GATB: variants seen among roughly 807,000 people sequenced by gnomAD.
GATB encodes glutamyl-tRNA amidotransferase subunit B, also known as glutamyl-tRNA(Gln) amidotransferase subunit B, mitochondrial.
Under a neutral mutation model 62.3 loss-of-function variants are expected in GATB, and 39 were observed. The observed-to-expected ratio is 0.63, with a 90% confidence interval of 0.48 to 0.82. The LOEUF (loss-of-function observed/expected upper bound fraction) is 0.82, where lower values mean the gene tolerates loss of function less well. Ranked by LOEUF, GATB falls within the 40% of genes least tolerant of loss-of-function variation. GATB has a pLI of 0.00. For synonymous variants in GATB, 276 were observed against 258.9 expected (o/e 1.07, Z -0.63); for missense variants, 670 against 684.0 (o/e 0.98, Z 0.23).
chr4:151,744,672 G>A (rs1194189977), intron 2 of GATB, among the ~76,000 whole-genome samples: 1 of 152,164 alleles, frequency 6.6e-6, no homozygotes, highest in African/African-American at 2.4e-5. Flanking sequence ...AGCTGGTAGA[G>A]AGGTAGGGAA....
chr4:151,682,209 C>G (rs1738154146), intron 10 of GATB, among the ~76,000 whole-genome samples: 2 of 152,162 alleles, frequency 1.3e-5, no homozygotes, highest in Admixed American at 1.3e-4. Context: ...CCCTACGATG[C>G]CTGTCACACA....
Position 151,760,849 on chromosome 4 carries a change from A to G in GATB, c.134T>C (p.Val45Ala), listed in dbSNP as rs1480672420. The stretch of plus-strand genomic sequence containing the variant: ...GGCCGTGTGGAGGGGCTGCTGAGCC[A>G]CTGAGCTCTCTCCCCTAATCTGGTT... ...TSNQIRGESS[V>A]AQQPLHTAQK... The change falls in exon 1 of 13, where the codon GTG becomes GCG. Residue 45 changes from valine to alanine, a missense_variant. Val to Ala is a moderately conservative substitution (Grantham distance 64). Transcript: ENST00000263985. 6.2e-7 allele frequency: 1 copy of G among 1,612,748 alleles called. No homozygotes were observed. The highest frequency in any genetic ancestry group is 8.5e-7 in the Non-Finnish European group (1 of 1,179,414).
intron 9 of GATB, among the ~76,000 whole-genome samples, chr4:151,694,113 T>A (rs1304389262): frequency 6.6e-6 from 1 of 152,220 alleles, no homozygotes; most frequent in Non-Finnish European, 1.5e-5. Flanking sequence ...GAACCTGAGT[T>A]GCTCAATAGG....
chr4:151,679,870 G>A lies in GATB; in HGVS notation c.1353C>T (p.Leu451=), dbSNP rs761631015. The A allele has an allele frequency of 4.2e-5, 68 of 1,613,988 alleles. No individual in the cohort carries two copies. The highest frequency in any genetic ancestry group is 2.5e-4 in the South Asian group (23 of 91,076). The change falls in exon 11 of 13, where the codon CTC becomes CTT. Residue 451 remains leucine (L), a synonymous_variant. Transcript: ENST00000263985. ...TGTCCAGCAGGTCAAGAAGCTCAGCGAGTGCAGAGGGTGTGACAGGACTGG... is the reference window on the plus strand; with the variant it reads ...TGTCCAGCAGGTCAAGAAGCTCAGCAAGTGCAGAGGGTGTGACAGGACTGG... ...VSESPVTPSA[L]AELLDLLDSR...
Position 151,706,673 on chromosome 4 carries a change from G to GA in GATB, c.877+1314dup, listed in dbSNP as rs1738722085. Reference sequence around the variant, plus strand: ...CTTTTTCCTGAAGACTGTCTTCATTGAGTGGTTGATTCACTTCAGGTTCAG... The same window carrying GA: ...CTTTTTCCTGAAGACTGTCTTCATTGAAGTGGTTGATTCACTTCAGGTTCAG... On this transcript the variant is annotated intron_variant, in intron 6 of 12. Transcript: ENST00000263985. 4.2e-5 allele frequency among the ~76,000 whole-genome samples: 4 copies of GA among 94,798 alleles called. No individual in the cohort carries two copies. In the South Asian group the frequency reaches 1.4e-3, roughly 32 times the overall value. 62.2% of individuals were successfully genotyped at this position (94,798 alleles called of 152,430 possible). A position where few individuals can be genotyped will look rare whatever the true frequency, so the allele number is the denominator to read the frequency against.
chr4:151,672,979 A>T, intron 11 of GATB, 83 bp from the exon 12 acceptor site: 1 of 1,526,694 alleles, frequency 6.6e-7, no homozygotes, highest in East Asian at 2.3e-5. Flanking sequence ...TGCTGTGTGG[A>T]GCTGGGGTGG....
intron 2 of GATB, among the ~76,000 whole-genome samples, chr4:151,754,252 A>T (rs1398663983): frequency 6.6e-6 from 1 of 152,198 alleles, no homozygotes; most frequent in Non-Finnish European, 1.5e-5. Flanking sequence ...ATGCTACAAC[A>T]CATGGAAAAC....
At chr4:151,699,726 G>A (rs995766783) in intron 9 of GATB, among the ~76,000 whole-genome samples, 9 of 152,142 alleles carry the variant, frequency 5.9e-5, no homozygotes, top group African/African-American at 2.2e-4. Context: ...AGAAACAGCT[G>A]TATTCTTGAG....
intron 10 of GATB, chr4:151,686,995 C>T (rs1738264495): frequency 6.6e-6 from 1 of 152,484 alleles, no homozygotes; most frequent in African/African-American, 2.4e-5. Flanking sequence ...CTCCTCAGGT[C>T]TTAGCTTAGC....
chr4:151,685,135 A>AT (rs1738218437), intron 10 of GATB, among the ~76,000 whole-genome samples: 1 of 152,156 alleles, frequency 6.6e-6, no homozygotes, highest in Non-Finnish European at 1.5e-5. Context: ...CAACATAGAA[A>AT]AACTAAGTTT....
chr4:151,731,322 G>T (rs944168121), intron 2 of GATB, among the ~76,000 whole-genome samples: 2 of 152,212 alleles, frequency 1.3e-5, no homozygotes, highest in Non-Finnish European at 2.9e-5. Flanking sequence ...TCGCCATGTT[G>T]GCCGGGCTGA....
intron 4 of GATB, 123 bp from the exon 5 acceptor site, chr4:151,716,254 C>A: frequency 3.1e-4 from 211 of 682,194 alleles, no homozygotes; most frequent in Middle Eastern, 8.7e-4. Context: ...TCTAGCCTCT[C>A]AATCATTTCT....
In GATB at chr4:151,688,744, T is replaced by C; in HGVS notation, c.1217A>G (p.Glu406Gly). Residue 406 changes from glutamate (E) to glycine (G), a missense_variant, in exon 10 of 13, where the codon GAG (glutamate) becomes GGG (glycine). Coordinates refer to ENST00000263985, the MANE Select transcript of GATB (RefSeq NM_004564.3). ...FTLLNEVGLLEFFQNVIKETR... is the reference protein window; with the variant it reads ...FTLLNEVGLLGFFQNVIKETR... ...TTCTTTTATCACATTTTGGAAGAAC[T>C]CCAGTAGGCCGACTTCGTTCTGTTA... 1 of 1,596,716 alleles carries C rather than the reference T, an allele frequency of 6.3e-7. No homozygotes were observed. The highest frequency in any genetic ancestry group is 1.4e-5 in the African/African-American group (1 of 72,874).
rs903086444 is a variant in GATB at position 151,754,210 on chromosome 4, C to T, written c.327+4562G>A. Among the ~76,000 whole-genome samples, 12 of 152,166 alleles carry T rather than the reference C, an allele frequency of 7.9e-5. No homozygotes were observed. The East Asian group carries it at 1.9e-3, about 24-fold the overall frequency. ...TACAGGCTATGCTTTCTGCTCTAGC[C>T]TCACCTCTTGCAATGCCCATATTCA... On this transcript the variant is annotated intron_variant, in intron 2 of 12. Transcript: ENST00000263985.
chr4:151,692,672 C>T (rs989221452), intron 9 of GATB, among the ~76,000 whole-genome samples: 2 of 152,150 alleles, frequency 1.3e-5, no homozygotes, highest in African/African-American at 2.4e-5. Context: ...CCCTCTCCTG[C>T]CCCCTGCCTT....
chr4:151,698,604 A>C (rs1738535545), intron 9 of GATB, among the ~76,000 whole-genome samples: 1 of 152,202 alleles, frequency 6.6e-6, no homozygotes, highest in Admixed American at 6.5e-5. Flanking sequence ...AAACACGAAC[A>C]TATCATTTTC....
chr4:151,702,591 G>A (rs1009372102), intron 8 of GATB, among the ~76,000 whole-genome samples: 3 of 152,192 alleles, frequency 2.0e-5, no homozygotes, highest in African/African-American at 7.2e-5. Flanking sequence ...TCTGGGGGGA[G>A]AGTGGGGAGC....
chr4:151,719,938 G>C (rs1382215273), intron 2 of GATB: 1 of 153,872 alleles, frequency 6.5e-6, no homozygotes, highest in Non-Finnish European at 1.4e-5. Context: ...TTGCTGAGAG[G>C]AGTCCTGAGG....
chr4:151,745,581 T>A, intron 2 of GATB, among the ~76,000 whole-genome samples: 1 of 152,262 alleles, frequency 6.6e-6, no homozygotes, highest in East Asian at 1.9e-4. Flanking sequence ...TGCTGCAATG[T>A]GCATACATAT....
Sources: allele counts gnomAD v4.1 joint callset (sites outside exome capture counted in the v4.1 genomes callset), GRCh38; gene constraint gnomAD v4.1.1; transcripts MANE v1.5; gene names NCBI Gene and HGNC (gene_info 2026-07-23, HGNC 2026-07-21).